The following GABBR2 variants were observed in gnomAD, a reference collection of about 807,000 sequenced individuals.
GABBR2 encodes the protein gamma-aminobutyric acid type B receptor subunit 2, also known as G-protein coupled receptor 51.
In GABBR2, 23 loss-of-function variants were observed where a neutral mutation model predicts 105.6. The observed-to-expected ratio is 0.22, with a 90% confidence interval of 0.16 to 0.31. GABBR2 has a LOEUF of 0.31. Ranked by LOEUF, GABBR2 falls within the 10% of genes least tolerant of loss-of-function variation. The probability of loss-of-function intolerance (pLI) is 1.00; values close to 1 mark genes in which losing one functional copy is unlikely to be tolerated. For missense variants in GABBR2, 734 were observed against 1,245.5 expected (o/e 0.59, Z 6.18); for synonymous variants, 478 against 499.7 (o/e 0.96, Z 0.58).
At chr9:98,684,169 T>TAAAAAA (rs3032196) in intron 1 of GABBR2, among the ~76,000 whole-genome samples, 2,051 of 66,018 alleles carry the variant, frequency 0.031, 95 homozygotes, top group African/African-American at 0.058. Flanking sequence ...TTTACCACGG[T>TAAAAAA]AAAAAAAAAA....
intron 1 of GABBR2, among the ~76,000 whole-genome samples, chr9:98,696,955 T>C (rs1047263398): frequency 6.6e-6 from 1 of 151,364 alleles, no homozygotes; most frequent in African/African-American, 2.4e-5. Flanking sequence ...AGGCAAGCAG[T>C]TGGGGGTGAA....
At chr9:98,455,878 T>C (rs763834791) in intron 6 of GABBR2, among the ~76,000 whole-genome samples, 1 of 152,214 alleles carries the variant, frequency 6.6e-6, no homozygotes, top group Non-Finnish European at 1.5e-5. Context: ...GAATGAATCC[T>C]GGCCGGGAGT....
At chr9:98,566,841 TAAGAAAGAAG>T (rs754123900) in intron 2 of GABBR2, among the ~76,000 whole-genome samples, 29 of 100,796 alleles carry the variant, frequency 2.9e-4, no homozygotes, top group South Asian at 1.6e-3. Flanking sequence ...GAAAAAGAAA[TAAGAAAGAAG>T]AAGAAAGAAG....
chr9:98,494,211 T>C (rs1827231379), intron 4 of GABBR2, among the ~76,000 whole-genome samples: 1 of 152,180 alleles, frequency 6.6e-6, no homozygotes, highest in South Asian at 2.1e-4. Flanking sequence ...CCACCTAGTT[T>C]GTGATACTTT....
rs373578537 is a variant in GABBR2 at position 98,311,203 on chromosome 9, C to T, written c.1896G>A (p.Pro632=). 42 of 1,606,036 alleles carry T rather than the reference C, an allele frequency of 2.6e-5. No individual in the cohort carries two copies. Among genetic ancestry groups the T allele is most frequent in the South Asian group, 7.7e-5 (7 of 90,926 alleles). The change falls in exon 14 of 19, where the codon CCG becomes CCA. Residue 632 remains proline, a splice_region_variant and synonymous_variant. Transcript: ENST00000259455. ...RRTVEKYSME[P]DPAGRDISIR... is the part of the protein sequence containing the mutation. ...TGGAGATATCCCGTCCTGCTGGGTC[C>T]GGCTGTGCAAAGAGAAAACAGAGAC...
In GABBR2 at chr9:98,637,882, G is replaced by A. The variant is rs376375571; in HGVS notation, c.322-59810C>T. ...AAATTTATGGTCATTTGTTACAGCA[G>A]CAAGAGAAATCTAATGCACTTACTA... On this transcript the variant is annotated intron_variant, in intron 1 of 18. Transcript: ENST00000259455. 3.9e-5 allele frequency among the ~76,000 whole-genome samples: 6 copies of A among 152,284 alleles called. No individual in the cohort carries two copies. In the South Asian group the frequency reaches 6.2e-4, roughly 16 times the overall value.
intron 3 of GABBR2, among the ~76,000 whole-genome samples, chr9:98,501,528 C>T (rs530982723): frequency 6.6e-6 from 1 of 152,292 alleles, no homozygotes; most frequent in East Asian, 1.9e-4. Flanking sequence ...CTCTGTCGTC[C>T]ATCTCAGACC....
chr9:98,365,750 T>C (rs1362439574), intron 12 of GABBR2, among the ~76,000 whole-genome samples: 1 of 151,934 alleles, frequency 6.6e-6, no homozygotes, highest in African/African-American at 2.4e-5. Context: ...AGTACACCCG[T>C]GGGAATACAA....
At chr9:98,375,928 C>T (rs1831864942) in intron 11 of GABBR2, among the ~76,000 whole-genome samples, 1 of 152,244 alleles carries the variant, frequency 6.6e-6, no homozygotes, top group Non-Finnish European at 1.5e-5. Context: ...ATACAAGTCT[C>T]TACTGGTTCG....
At chr9:98,344,906 C>G (rs1412162254) in intron 13 of GABBR2, among the ~76,000 whole-genome samples, 1 of 152,202 alleles carries the variant, frequency 6.6e-6, no homozygotes, top group Non-Finnish European at 1.5e-5. Context: ...AGCCCATCTT[C>G]TTAGCCCTTT....
intron 1 of GABBR2, among the ~76,000 whole-genome samples, chr9:98,688,659 T>G (rs1830650271): frequency 6.6e-6 from 1 of 152,186 alleles, no homozygotes; most frequent in African/African-American, 2.4e-5. Context: ...CTGAAGGCCT[T>G]GCTCTAAATG....
At chr9:98,607,474 A>G in intron 1 of GABBR2, 1 of 581,166 alleles carries the variant, frequency 1.7e-6, no homozygotes, top group South Asian at 2.3e-5. Flanking sequence ...GAAACCCAAG[A>G]ACATAAAATT....
intron 1 of GABBR2, among the ~76,000 whole-genome samples, chr9:98,648,081 G>GTGTGTA (rs759576040): frequency 1.8e-4 from 5 of 28,440 alleles, no homozygotes; most frequent in African/African-American, 4.0e-4. Flanking sequence ...ATCATACAGG[G>GTGTGTA]TGTGTGTGTG....
chr9:98,481,725 T>C (rs1281340996), intron 4 of GABBR2, among the ~76,000 whole-genome samples: 2 of 152,214 alleles, frequency 1.3e-5, no homozygotes, highest in East Asian at 3.9e-4. Context: ...AGTGAAATAG[T>C]CCTTGTAAAG....
chr9:98,629,660 A>G (rs1438603290), intron 1 of GABBR2, among the ~76,000 whole-genome samples: 1 of 152,222 alleles, frequency 6.6e-6, no homozygotes, highest in Non-Finnish European at 1.5e-5. Context: ...GCTGTATGGA[A>G]TACTGGTGCC....
chr9:98,320,143 C>G (rs1255045996), intron 13 of GABBR2, among the ~76,000 whole-genome samples: 2 of 151,768 alleles, frequency 1.3e-5, no homozygotes, highest in African/African-American at 2.4e-5. Flanking sequence ...AAAAAACAAA[C>G]AACCCCATCA....
rs375413470 is a variant in GABBR2, at chr9:98,388,808, G to T, written c.1529+46C>A. 5.4e-5 allele frequency: 82 copies of T among 1,529,004 alleles called. No homozygotes were observed. The highest frequency in any genetic ancestry group is 2.7e-4 in the East Asian group (12 of 44,224). The allele number at this position is 1,529,004 out of a possible 1,614,324, so 94.7% of individuals were successfully genotyped here. ...ACTCCTATACTGTGTCCATAGGCTT[G>T]TCAATTTAGAAAGTGATATCACAGA... On this transcript the variant is annotated intron_variant, in intron 10 of 18. Transcript: ENST00000259455. This position sits in a 1 kb window ranked among gnomAD's most constrained non-coding sequence, Gnocchi z 4.4.
At chr9:98,593,069 T>A (rs559976343) in intron 1 of GABBR2, among the ~76,000 whole-genome samples, 2 of 152,094 alleles carry the variant, frequency 1.3e-5, no homozygotes, top group Non-Finnish European at 2.9e-5. Flanking sequence ...AGCTTTGACC[T>A]CCTTGGCCTC....
intron 1 of GABBR2, among the ~76,000 whole-genome samples, chr9:98,598,059 G>T (rs1039876119): frequency 3.3e-5 from 5 of 152,108 alleles, no homozygotes; most frequent in African/African-American, 1.2e-4. Context: ...CTGAGCTCAG[G>T]CAATCCACCC....
Sources: allele counts gnomAD v4.1 joint callset (sites outside exome capture counted in the v4.1 genomes callset), GRCh38; gene constraint gnomAD v4.1.1; non-coding constraint Gnocchi (gnomAD v3.1); transcripts MANE v1.5; gene names NCBI Gene and HGNC (gene_info 2026-07-23, HGNC 2026-07-21).